TEKT3: variants seen among roughly 807,000 people sequenced by gnomAD.
The protein encoded by TEKT3 is tektin-3.
In TEKT3, 49 loss-of-function variants were observed where a neutral mutation model predicts 49.8. The observed-to-expected ratio is 0.98, with a 90% confidence interval of 0.78 to 1.25. TEKT3 has a LOEUF of 1.25. TEKT3 is among the 50% of genes most tolerant of loss of function. TEKT3 has a pLI of 0.00. For missense variants in TEKT3, 595 were observed against 629.5 expected (o/e 0.95, Z 0.59); for synonymous variants, 225 against 237.2 (o/e 0.95, Z 0.47).
intron 7 of TEKT3, 119 bp from the exon 8 acceptor site, chr17:15,308,937 G>A: frequency 1.6e-6 from 2 of 1,259,146 alleles, no homozygotes; most frequent in Non-Finnish European, 2.2e-6. Flanking sequence ...TGATGAGGAA[G>A]TTGCTTCACC....
chr17:15,343,325 G>C (rs897024652), upstream of TEKT3, among the ~76,000 whole-genome samples: 2 of 152,192 alleles, frequency 1.3e-5, no homozygotes, highest in African/African-American at 4.8e-5. Context: ...GTTCTCCATA[G>C]AAAGGATTGA....
intron 8 of TEKT3, among the ~76,000 whole-genome samples, chr17:15,306,659 A>T (rs754755625): frequency 2.6e-5 from 4 of 151,990 alleles, no homozygotes; most frequent in Non-Finnish European, 5.9e-5. Context: ...ACTACCCAAA[A>T]CTCATTTTAA....
At position 15,314,170 on chromosome 17, in the gene TEKT3, G is replaced by C. The variant is rs759711827; in HGVS notation, c.795C>G (p.Tyr265Ter). Residue 265 changes from tyrosine (Y) to a stop codon, truncating the protein, a stop_gained, in exon 6 of 9, where the codon TAC (tyrosine) becomes TAG (stop). Transcript: ENST00000395930. LOFTEE classifies it high-confidence loss of function. ...GGTGGTGGCATTTGTCGTCGATCCG[G>C]TAAGCCGTCTGTTTGTCACTCAGGT... ...EKDLSDKQTA[Y>*]RIDDKCHHLR... 12 of 1,614,228 alleles carry C rather than the reference G, an allele frequency of 7.4e-6. No individual in the cohort carries two copies. In the South Asian group the frequency reaches 1.3e-4, roughly 18 times the overall value.
Position 15,331,629 on chromosome 17 carries a change from A to G in TEKT3, c.-29-15T>C. 3 of 1,532,058 alleles carry G rather than the reference A, an allele frequency of 2.0e-6. No individual in the cohort carries two copies. Among genetic ancestry groups the G allele is most frequent in the Non-Finnish European group, 2.6e-6 (3 of 1,134,532 alleles). 94.9% of individuals were successfully genotyped at this position (1,532,058 alleles called of 1,614,324 possible). Reference sequence around the variant, plus strand: ...GTAAATCTCTCCTGTTAAAAAATAAAAAGTAAAATAAGACAGTCACATAAA... The same window carrying G: ...GTAAATCTCTCCTGTTAAAAAATAAGAAGTAAAATAAGACAGTCACATAAA... On this transcript the variant is annotated splice_polypyrimidine_tract_variant and intron_variant, in intron 2 of 8. Coordinates refer to ENST00000395930, the MANE Select transcript of TEKT3 (RefSeq NM_031898.3).
Position 15,333,931 on chromosome 17 carries a change from T to A in TEKT3, c.-29-2317A>T, listed in dbSNP as rs1007600657. Among the ~76,000 whole-genome samples, 4 of 151,364 alleles carry A rather than the reference T, an allele frequency of 2.6e-5. No homozygotes were observed. In the East Asian group the frequency reaches 7.8e-4, roughly 30 times the overall value. On this transcript the variant is annotated intron_variant, in intron 2 of 8. Coordinates refer to ENST00000395930, the MANE Select transcript of TEKT3 (RefSeq NM_031898.3). ...GTGCCCGCCACCATGCCCGGCTAAT[T>A]TTTTTGTATTTTTAGTAGAGTCGGG...
intron 5 of TEKT3, among the ~76,000 whole-genome samples, chr17:15,316,829 A>G (rs1038262025): frequency 6.6e-6 from 1 of 152,182 alleles, no homozygotes; most frequent in Non-Finnish European, 1.5e-5. Context: ...ATATTGTAAC[A>G]TGGGTGATTT....
chr17:15,334,298 C>T (rs951096698), intron 2 of TEKT3, among the ~76,000 whole-genome samples: 5 of 151,962 alleles, frequency 3.3e-5, no homozygotes, highest in African/African-American at 1.2e-4. Context: ...ACAAGTGATC[C>T]CCCACCTCAA....
rs756937943 is a variant in TEKT3, at chr17:15,304,028, C to G, written c.1381G>C (p.Val461Leu). The G allele has an allele frequency of 6.2e-7, 1 of 1,614,152 alleles. No homozygotes were observed. Among genetic ancestry groups the G allele is most frequent in the Admixed American group, 1.7e-5 (1 of 60,030 alleles). The change falls in exon 9 of 9, where the codon GTC (valine) becomes CTC (leucine). Residue 461 changes from valine to leucine, a missense_variant. Coordinates refer to ENST00000395930, the MANE Select transcript of TEKT3 (RefSeq NM_031898.3). The surrounding 1 kb of genome is among the most constrained non-coding windows in gnomAD (Gnocchi z 4.7). ...TCGATGTACAGGGAATTGGCTTTGA[C>G]AGCCAGGTCATACTCGAGTGTGGCT... ...IKATLEYDLAVKANSLYIDQE... is the reference protein window; with the variant it reads ...IKATLEYDLALKANSLYIDQE...
chr17:15,306,089 A>ATATATATATATGTGTGTGTG (rs1291765039), intron 8 of TEKT3, among the ~76,000 whole-genome samples: 6 of 144,410 alleles, frequency 4.2e-5, no homozygotes, highest in African/African-American at 1.3e-4. Flanking sequence ...ATTTATATAT[A>ATATATATATATGTGTGTGTG]TGTGTGTGTG....
intron 7 of TEKT3, among the ~76,000 whole-genome samples, chr17:15,309,148 G>C (rs1346885070): frequency 6.6e-6 from 1 of 152,282 alleles, no homozygotes; most frequent in African/African-American, 2.4e-5. Flanking sequence ...GGGGCTCCCT[G>C]CAAGCTGCCC....
upstream of TEKT3, among the ~76,000 whole-genome samples, chr17:15,342,824 G>C (rs1912275247): frequency 6.6e-6 from 1 of 152,168 alleles, no homozygotes; most frequent in Admixed American, 6.5e-5. Flanking sequence ...GACTAGACAA[G>C]GCTCCCATAC....
At chr17:15,336,654 A>T (rs958509236) in intron 2 of TEKT3, among the ~76,000 whole-genome samples, 1 of 152,214 alleles carries the variant, frequency 6.6e-6, no homozygotes, top group Admixed American at 6.5e-5. Flanking sequence ...AATAGAAGTA[A>T]ATTATATGGT....
chr17:15,310,633 T>C (rs954680308), intron 7 of TEKT3, among the ~76,000 whole-genome samples: 10 of 152,114 alleles, frequency 6.6e-5, no homozygotes, highest in Non-Finnish European at 1.0e-4. Flanking sequence ...CATTAATTAA[T>C]TTTCTCTCTC....
rs117520328 is a variant in TEKT3, at chr17:15,339,766, A to G, written c.-30+262T>C. 9.1e-4 allele frequency among the ~76,000 whole-genome samples: 138 copies of G among 152,370 alleles called. 3 individuals carry two copies. In the East Asian group the frequency reaches 0.022, roughly 25 times the overall value. ...ATACAAACCCCTTTAGTTCCTTTGT[A>G]GCCACTTAATTACAGTTCTAAATAG... On this transcript the variant is annotated intron_variant, in intron 2 of 8. Transcript: ENST00000395930.
chr17:15,335,036 G>A (rs1210524972), intron 2 of TEKT3, among the ~76,000 whole-genome samples: 8 of 151,956 alleles, frequency 5.3e-5, no homozygotes, highest in Non-Finnish European at 1.2e-4. Flanking sequence ...GGCATCATAG[G>A]CTCTGATCCT....
chr17:15,322,570 C>T (rs187343466), intron 4 of TEKT3, among the ~76,000 whole-genome samples: 7 of 152,306 alleles, frequency 4.6e-5, no homozygotes, highest in East Asian at 3.9e-4. Context: ...GCTGACCCCG[C>T]GCTGTGGCCT....
intron 2 of TEKT3, among the ~76,000 whole-genome samples, chr17:15,336,879 A>G (rs1162431780): frequency 1.3e-5 from 2 of 152,202 alleles, no homozygotes; most frequent in Admixed American, 6.5e-5. Context: ...TTGTTTTCAT[A>G]GTAAATACTC....
intron 2 of TEKT3, 80 bp from the exon 3 acceptor site, chr17:15,331,694 G>C (rs554044418): frequency 9.1e-7 from 1 of 1,101,128 alleles, no homozygotes; most frequent in East Asian, 2.6e-5. Flanking sequence ...GGCCACATCT[G>C]ACTTAGTATC....
At chr17:15,327,063 TA>T (rs1178978614) in intron 4 of TEKT3, among the ~76,000 whole-genome samples, 1 of 151,406 alleles carries the variant, frequency 6.6e-6, no homozygotes. Flanking sequence ...CAGTTATCAG[TA>T]ATAATATTTT....
Sources: allele counts gnomAD v4.1 joint callset (sites outside exome capture counted in the v4.1 genomes callset), GRCh38; gene constraint gnomAD v4.1.1; non-coding constraint Gnocchi (gnomAD v3.1); transcripts MANE v1.5; gene names NCBI Gene and HGNC (gene_info 2026-07-23, HGNC 2026-07-21).